Variants in RASA3 observed in about 807,000 individuals in gnomAD.
RASA3 encodes RAS p21 protein activator 3, also known as ras GTPase-activating protein 3.
Under a neutral mutation model 110.0 loss-of-function variants are expected in RASA3, and 73 were observed. That is an observed-to-expected ratio of 0.66 (90% CI 0.55 to 0.81). The LOEUF is 0.81. RASA3 is among the 30% of genes least tolerant of loss of function. The pLI is 0.00. For missense variants in RASA3, 976 were observed against 1,113.2 expected (o/e 0.88, Z 1.75); for synonymous variants, 500 against 451.4 (o/e 1.11, Z -1.37).
rs1328621353 is a variant in RASA3 at position 114,030,977 on chromosome 13, CTG to C, written c.373-1092_373-1091del. ...GCTGTGTGCGTGTCTGCCTGTGTAG[CTG>C]TGTGTCCGCCTGTGTGTGCGGCTGT... On this transcript the variant is annotated intron_variant, in intron 4 of 23. Transcript: ENST00000334062. Among the ~76,000 whole-genome samples the C allele has an allele frequency of 3.4e-5, 5 of 146,682 alleles. No homozygotes were observed. The East Asian group carries it at 6.2e-4, about 18-fold the overall frequency.
At chr13:114,075,237 G>C (rs1396778315) in intron 1 of RASA3, among the ~76,000 whole-genome samples, 1 of 152,072 alleles carries the variant, frequency 6.6e-6, no homozygotes, top group Non-Finnish European at 1.5e-5. Context: ...ACTCCGCGCT[G>C]AATGTTTCGC....
intron 1 of RASA3, among the ~76,000 whole-genome samples, chr13:114,082,683 C>A (rs1437209670): frequency 1.3e-5 from 2 of 152,174 alleles, no homozygotes; most frequent in African/African-American, 4.8e-5. Context: ...TTTCCTTAAC[C>A]CAAGCAACGT....
chr13:114,030,031 A>T (rs978922093), intron 4 of RASA3, 144 bp from the exon 5 acceptor site: 5 of 703,766 alleles, frequency 7.1e-6, no homozygotes, highest in East Asian at 5.4e-5. Flanking sequence ...CAGCCCCTCC[A>T]CTCCACCCCC....
chr13:114,077,816 C>T (rs991641137), intron 1 of RASA3: 146 of 983,762 alleles, frequency 1.5e-4, no homozygotes, highest in Non-Finnish European at 1.7e-4. Context: ...CTTCTCCTTG[C>T]TCACTGTCAT....
At chr13:114,017,160 T>A in intron 12 of RASA3, 77 bp downstream of exon 12, 1 of 1,330,194 alleles carries the variant, frequency 7.5e-7, no homozygotes, top group Non-Finnish European at 1.1e-6. Context: ...TCTGGCTGGA[T>A]CCCAGTGCAG....
chr13:114,095,307 G>T (rs1056713908), intron 1 of RASA3, among the ~76,000 whole-genome samples: 9 of 152,212 alleles, frequency 5.9e-5, no homozygotes, highest in African/African-American at 2.2e-4. Context: ...GTGGTTTTTA[G>T]TATATTCACA....
rs1474947615 is a variant in RASA3 at position 114,048,657 on chromosome 13, T to A, written c.277+3395A>T. On this transcript the variant is annotated intron_variant, in intron 3 of 23. Coordinates refer to ENST00000334062, the MANE Select transcript of RASA3 (RefSeq NM_007368.4). This position sits in a 1 kb window ranked among gnomAD's most constrained non-coding sequence, Gnocchi z 4.3. ...AGAGGCCGCCTCCCTGCGCCTGGAA[T>A]CCCGAAGGAGCCTGCGCCCCGTGTG... Among the ~76,000 whole-genome samples the A allele has an allele frequency of 6.6e-6, 1 of 152,172 alleles. No individual in the cohort carries two copies. The highest frequency in any genetic ancestry group is 2.4e-5 in the African/African-American group (1 of 41,442).
At position 114,026,602 on chromosome 13, in the gene RASA3, C is replaced by T. The variant is rs184929941; in HGVS notation, c.603+787G>A. Among the ~76,000 whole-genome samples, 4 of 152,308 alleles carry T rather than the reference C, an allele frequency of 2.6e-5. No homozygotes were observed. The East Asian group carries it at 7.7e-4, about 29-fold the overall frequency. On this transcript the variant is annotated intron_variant, in intron 7 of 23. Coordinates refer to ENST00000334062, the MANE Select transcript of RASA3 (RefSeq NM_007368.4). The stretch of plus-strand genomic sequence containing the variant: ...GGTAGGTCCACTCTCCTACGGTCCC[C>T]TGAGAGCTGCATGCATCGAGCCCCA...
In RASA3 at chr13:114,049,228, C is replaced by T. The variant is rs1006633394; in HGVS notation, c.277+2824G>A. ...ACGCAGCCAGGAAGCCAGTGGCCAC[C>T]GCGCACTTCCACCCAGAAACGCATT... On this transcript the variant is annotated intron_variant, in intron 3 of 23. Transcript: ENST00000334062. Among the ~76,000 whole-genome samples, 8 of 152,224 alleles carry T rather than the reference C, an allele frequency of 5.3e-5. No homozygotes were observed. In the East Asian group the frequency reaches 1.4e-3, roughly 26 times the overall value.
chr13:114,059,902 C>T (rs2079307836), intron 2 of RASA3, among the ~76,000 whole-genome samples: 1 of 152,258 alleles, frequency 6.6e-6, no homozygotes, highest in Non-Finnish European at 1.5e-5. Flanking sequence ...CCCCATGGAG[C>T]CAGCCAAAGA....
chr13:114,087,208 C>T lies in RASA3; in HGVS notation c.56-13371G>A, dbSNP rs374690781. Among the ~76,000 whole-genome samples the T allele has an allele frequency of 3.5e-4, 26 of 74,650 alleles. No homozygotes were observed. The East Asian group carries it at 7.8e-3, about 22-fold the overall frequency. The allele number at this position is 74,650 out of a possible 152,430, so 49.0% of individuals were successfully genotyped here. On this transcript the variant is annotated intron_variant, in intron 1 of 23. Transcript: ENST00000334062. ...CTGAGTCTGGAGTATCGACTCCCTT[C>T]GTCCTCGCGGGGAAATCACGGGGAA... is the stretch of plus-strand genomic sequence containing the variant.
intron 1 of RASA3, among the ~76,000 whole-genome samples, chr13:114,100,930 C>T (rs1363735014): frequency 1.3e-5 from 2 of 152,300 alleles, no homozygotes; most frequent in East Asian, 3.9e-4. Flanking sequence ...TCAGAAATTG[C>T]TTATTTTTAG....
In RASA3 at chr13:113,979,241, T is replaced by C. The variant is rs2052848594; in HGVS notation, c.*106A>G. 9.0e-7 allele frequency: 1 copy of C among 1,112,958 alleles called. No individual in the cohort carries two copies. The highest frequency in any genetic ancestry group is 1.4e-6 in the Non-Finnish European group (1 of 736,942). The allele number at this position is 1,112,958 out of a possible 1,614,324, so 68.9% of individuals were successfully genotyped here. ...CACTTGTCTATGGGCCGGGACGGCG[T>C]GCATCTCACTTTGCCGGCTCTGCGC... On this transcript the variant is annotated 3_prime_UTR_variant, in exon 24 of 24. Coordinates refer to ENST00000334062, the MANE Select transcript of RASA3 (RefSeq NM_007368.4).
intron 2 of RASA3, among the ~76,000 whole-genome samples, chr13:114,054,602 G>A (rs1205798694): frequency 6.6e-6 from 1 of 152,304 alleles, no homozygotes; most frequent in African/African-American, 2.4e-5. Context: ...CAGAGACTGG[G>A]TAACATTTAC....
chr13:114,027,985 G>A lies in RASA3; in HGVS notation c.450-58C>T, dbSNP rs1329649166. On this transcript the variant is annotated intron_variant, in intron 5 of 23. Coordinates refer to ENST00000334062, the MANE Select transcript of RASA3 (RefSeq NM_007368.4). ...GAGCGCAGACACCTGGGCGAATGGCGAGACAGCTCTGGGTCAGGCAGGAGG... is the reference window on the plus strand; with the variant it reads ...GAGCGCAGACACCTGGGCGAATGGCAAGACAGCTCTGGGTCAGGCAGGAGG... 19 of 1,444,810 alleles carry A rather than the reference G, an allele frequency of 1.3e-5. No individual in the cohort carries two copies. In the African/African-American group the frequency reaches 1.8e-4, roughly 14 times the overall value. The allele number at this position is 1,444,810 out of a possible 1,614,324, so 89.5% of individuals were successfully genotyped here. A position where few individuals can be genotyped will look rare whatever the true frequency, so the allele number is the denominator to read the frequency against.
rs373971401 is a variant in RASA3, at chr13:114,067,020, G to A, written c.173+6700C>T. 1.1e-3 allele frequency among the ~76,000 whole-genome samples: 166 copies of A among 149,044 alleles called. 5 individuals are homozygous for A. The South Asian group carries it at 0.035, about 32-fold the overall frequency. ...GGGCCCCCCAACCTGGGCTGAGGAC[G>A]GGCCCCCTGACCTGGGCTGAGGACT... On this transcript the variant is annotated intron_variant, in intron 2 of 23. Transcript: ENST00000334062.
intron 1 of RASA3, among the ~76,000 whole-genome samples, chr13:114,101,114 G>C (rs1162937331): frequency 2.0e-5 from 3 of 152,146 alleles, no homozygotes. Context: ...GCAGTCACCA[G>C]CAAGGCGGGT....
intron 4 of RASA3, among the ~76,000 whole-genome samples, chr13:114,034,889 T>C (rs2054251166): frequency 6.6e-6 from 1 of 151,660 alleles, no homozygotes; most frequent in Non-Finnish European, 1.5e-5. Flanking sequence ...AAGGGAGATC[T>C]GAACGCTGAC....
rs1316710913 is a variant in RASA3 at position 114,016,277 on chromosome 13, G to C, written c.1207-6C>G. ...GGTTTGTGGCTCTGGCATATCTGGG[G>C]AGAGGTTTAAGACAGGGCTCTGTGA... is the stretch of plus-strand genomic sequence containing the variant. On this transcript the variant is annotated splice_polypyrimidine_tract_variant and splice_region_variant and intron_variant, in intron 12 of 23. Transcript: ENST00000334062. 1 of 1,580,216 alleles carries C rather than the reference G, an allele frequency of 6.3e-7. No homozygotes were observed.
Sources: gnomAD v4.1 joint callset for allele counts (sites outside exome capture counted in the v4.1 genomes callset) on GRCh38, gnomAD v4.1.1 for gene constraint, Gnocchi (gnomAD v3.1) non-coding constraint, MANE v1.5 for transcripts, NCBI Gene and HGNC (gene_info 2026-07-23, HGNC 2026-07-21) for gene names.